ERC1: variants seen among roughly 807,000 people sequenced by gnomAD.
ERC1 encodes the protein RAB6 interacting protein 2.
ERC1 carries 56 observed loss-of-function variants against 132.0 expected under a neutral mutation model. That is an observed-to-expected ratio of 0.42 (90% CI 0.34 to 0.53). ERC1 has a LOEUF of 0.53. ERC1 is among the 20% of genes least tolerant of loss of function. ERC1 has a pLI of 0.03. For missense variants in ERC1, 1,202 were observed against 1,349.9 expected (o/e 0.89, Z 1.72); for synonymous variants, 478 against 476.1 (o/e 1.00, Z -0.05).
chr12:1,007,321 A>G (rs1963811688), intron 1 of ERC1, among the ~76,000 whole-genome samples: 1 of 152,192 alleles, frequency 6.6e-6, no homozygotes, highest in African/African-American at 2.4e-5. Context: ...TTTACAACAA[A>G]TGGTTAAGAG....
intron 12 of ERC1, among the ~76,000 whole-genome samples, chr12:1,222,473 C>T (rs776676516): frequency 4.0e-4 from 61 of 152,078 alleles, no homozygotes; most frequent in Non-Finnish European, 7.9e-4. Flanking sequence ...TCTTGTCCCC[C>T]CAAAGTGCTG....
intron 7 of ERC1, among the ~76,000 whole-genome samples, chr12:1,133,110 G>A (rs1013355523): frequency 1.3e-5 from 2 of 151,502 alleles, no homozygotes; most frequent in African/African-American, 2.4e-5. Context: ...CACCCACCTC[G>A]GCCTCCCAAA....
At chr12:1,105,198 G>C (rs1436283342) in intron 4 of ERC1, among the ~76,000 whole-genome samples, 1 of 152,102 alleles carries the variant, frequency 6.6e-6, no homozygotes, top group African/African-American at 2.4e-5. Flanking sequence ...AGTAAAAATA[G>C]TGTTCCGTGA....
rs898439250 is a variant in ERC1, at chr12:1,392,015, G to GA, written c.2926-16125dup. On this transcript the variant is annotated intron_variant, in intron 16 of 18. Transcript: ENST00000360905. ...GTACTTTTATACTTAGTGTGCTGGA[G>GA]AAAAAAAAATATTCCTGATACTTCT... Among the ~76,000 whole-genome samples the GA allele has an allele frequency of 2.8e-4, 42 of 151,336 alleles. 1 individual carries two copies. Among genetic ancestry groups the GA allele is most frequent in the South Asian group, 4.2e-4 (2 of 4,796 alleles).
intron 13 of ERC1, chr12:1,244,699 C>T (rs1179294946): frequency 7.5e-5 from 28 of 372,964 alleles, no homozygotes; most frequent in Middle Eastern, 1.9e-3. Flanking sequence ...TTTTGTGTGT[C>T]TGTTTTTATT....
At chr12:1,020,841 A>T (rs1966248169) in intron 1 of ERC1, 1 of 152,180 alleles carries the variant, frequency 6.6e-6, no homozygotes, top group Admixed American at 6.5e-5. Flanking sequence ...AAGGAGAGGA[A>T]ATTTAGTCTC....
In ERC1 at chr12:1,346,709, G is replaced by A. The variant is rs374696061; in HGVS notation, c.2781-25124G>A. On this transcript the variant is annotated intron_variant, in intron 15 of 18. Transcript: ENST00000360905. ...TGTAATCCCAGCACTTTGGGAGGCC[G>A]AGGCGGGTGGATCATGAGGTCAGGA... Among the ~76,000 whole-genome samples the A allele has an allele frequency of 8.5e-5, 13 of 152,088 alleles. No individual in the cohort carries two copies. In the South Asian group the frequency reaches 1.0e-3, roughly 12 times the overall value.
rs55948839 is a variant in ERC1 at position 1,196,974 on chromosome 12, A to T, written c.2351+6922A>T. Among the ~76,000 whole-genome samples the T allele has an allele frequency of 5.1e-3, 266 of 52,134 alleles. 19 individuals are homozygous for T. Among genetic ancestry groups the T allele is most frequent in the African/African-American group, 0.017 (104 of 6,228 alleles). 34.2% of individuals were successfully genotyped at this position (52,134 alleles called of 152,430 possible). A position where few individuals can be genotyped will look rare whatever the true frequency, so the allele number is the denominator to read the frequency against. ...CACACACACACACATATATATATAT[A>T]TATTTTTTTTTTTTTTTTTTTTTTA... On this transcript the variant is annotated intron_variant, in intron 12 of 18. Coordinates refer to ENST00000360905, the MANE Select transcript of ERC1 (RefSeq NM_178040.4).
chr12:1,015,381 T>TA lies in ERC1; in HGVS notation c.-156-12364dup, dbSNP rs567772598. Among the ~76,000 whole-genome samples the TA allele has an allele frequency of 8.9e-4, 136 of 152,260 alleles. 1 individual carries two copies. Among genetic ancestry groups the TA allele is most frequent in the Non-Finnish European group, 1.7e-3 (118 of 68,004 alleles). Reference sequence around the variant, plus strand: ...GCCATTGTTTTTCTTTTCTTTTTTTTAAATTAGGATTGCCTGAAAGAAATT... The same window carrying TA: ...GCCATTGTTTTTCTTTTCTTTTTTTTAAAATTAGGATTGCCTGAAAGAAATT... On this transcript the variant is annotated intron_variant, in intron 1 of 18. Coordinates refer to ENST00000360905, the MANE Select transcript of ERC1 (RefSeq NM_178040.4).
chr12:1,229,949 G>A (rs144478338), intron 12 of ERC1, among the ~76,000 whole-genome samples: 3 of 149,258 alleles, frequency 2.0e-5, no homozygotes, highest in Non-Finnish European at 1.5e-5. Context: ...GCTGTATTCT[G>A]TAGGTTTTAG....
intron 16 of ERC1, among the ~76,000 whole-genome samples, chr12:1,401,047 T>G (rs1437095566): frequency 2.8e-5 from 4 of 144,782 alleles, no homozygotes; most frequent in African/African-American, 7.5e-5. Context: ...GCCATTCTCC[T>G]GCCTCAGCCT....
intron 15 of ERC1, among the ~76,000 whole-genome samples, chr12:1,342,477 A>AC (rs990924441): frequency 7.3e-5 from 11 of 151,690 alleles, no homozygotes; most frequent in African/African-American, 2.7e-4. Flanking sequence ...TCAAAAAAAA[A>AC]AAAAACAAAA....
rs1268891975 is a variant in ERC1, at chr12:1,027,860, G to A, written c.-44G>A. On this transcript the variant is annotated 5_prime_UTR_variant, in exon 2 of 19. Coordinates refer to ENST00000360905, the MANE Select transcript of ERC1 (RefSeq NM_178040.4). ...TCACAAGGTTCCCATTTTTGTTGTT[G>A]TTGTTGTTGATTTTCTGCTCACACC... 3 of 1,520,502 alleles carry A rather than the reference G, an allele frequency of 2.0e-6. No individual in the cohort carries two copies. In the Admixed American group the frequency reaches 6.1e-5, roughly 31 times the overall value. The allele number at this position is 1,520,502 out of a possible 1,614,324, so 94.2% of individuals were successfully genotyped here. A position where few individuals can be genotyped will look rare whatever the true frequency, so the allele number is the denominator to read the frequency against.
intron 13 of ERC1, among the ~76,000 whole-genome samples, chr12:1,239,052 T>C (rs1394553075): frequency 6.6e-6 from 1 of 152,180 alleles, no homozygotes; most frequent in Non-Finnish European, 1.5e-5. Flanking sequence ...ATACTTAGGA[T>C]CTGATCTCAG....
intron 15 of ERC1, among the ~76,000 whole-genome samples, chr12:1,298,544 A>C (rs554752498): frequency 5.4e-4 from 65 of 120,536 alleles, no homozygotes; most frequent in African/African-American, 1.9e-3. Flanking sequence ...CTCTGTCACA[A>C]AAAAAAAAAA....
intron 11 of ERC1, among the ~76,000 whole-genome samples, chr12:1,188,000 C>T (rs901202241): frequency 7.9e-5 from 12 of 152,032 alleles, no homozygotes; most frequent in East Asian, 3.9e-4. Flanking sequence ...GACTCACCAG[C>T]GTGTATGAAG....
At chr12:1,482,126 C>G (rs755875046) in intron 18 of ERC1, among the ~76,000 whole-genome samples, 1 of 152,142 alleles carries the variant, frequency 6.6e-6, no homozygotes, top group Non-Finnish European at 1.5e-5. Flanking sequence ...ATGCCCATGT[C>G]TGGCCAGCCC....
intron 2 of ERC1, among the ~76,000 whole-genome samples, chr12:1,039,712 T>G (rs1969847639): frequency 6.6e-6 from 1 of 152,218 alleles, no homozygotes; most frequent in African/African-American, 2.4e-5. Flanking sequence ...AATAAAAGTT[T>G]TTCATAAGAA....
intron 12 of ERC1, among the ~76,000 whole-genome samples, chr12:1,223,238 T>C (rs1452220159): frequency 6.6e-6 from 1 of 152,066 alleles, no homozygotes; most frequent in Non-Finnish European, 1.5e-5. Flanking sequence ...TCAGTTAAAG[T>C]GGTATGGGAG....
Sources: gnomAD v4.1 joint callset for allele counts (sites outside exome capture counted in the v4.1 genomes callset) on GRCh38, gnomAD v4.1.1 for gene constraint, MANE v1.5 for transcripts, NCBI Gene and HGNC (gene_info 2026-07-23, HGNC 2026-07-21) for gene names.